Variants in CCDC88C observed in about 807,000 individuals in gnomAD.
The protein encoded by CCDC88C is protein Daple.
A neutral mutation model predicts 198.8 loss-of-function variants in CCDC88C; 131 were observed. The ratio of observed to expected loss-of-function variants is 0.66; its 90% CI spans 0.57 to 0.76. The LOEUF is 0.76. Among genes scored for constraint, CCDC88C ranks in the 30% least tolerant of loss-of-function variants. The probability of loss-of-function intolerance (pLI) is 0.00; values close to 1 mark genes in which losing one functional copy is unlikely to be tolerated. For missense variants in CCDC88C, 2,553 were observed against 2,631.6 expected (o/e 0.97, Z 0.65); for synonymous variants, 1,166 against 1,114.7 (o/e 1.05, Z -0.92).
chr14:91,402,956 C>T (rs1001998973), intron 3 of CCDC88C, among the ~76,000 whole-genome samples: 2 of 152,192 alleles, frequency 1.3e-5, no homozygotes, highest in African/African-American at 2.4e-5. Flanking sequence ...GTCAGAGAGC[C>T]GAGCTCAAGG....
At chr14:91,343,260 A>G (rs1351226114) in intron 5 of CCDC88C, among the ~76,000 whole-genome samples, 5 of 152,154 alleles carry the variant, frequency 3.3e-5, no homozygotes, top group Non-Finnish European at 7.3e-5. Flanking sequence ...ACTCGGCCCA[A>G]TAAAACTTTA....
chr14:91,307,991 T>G (rs372591867), intron 17 of CCDC88C, among the ~76,000 whole-genome samples: 1 of 152,156 alleles, frequency 6.6e-6, no homozygotes, highest in East Asian at 1.9e-4. Flanking sequence ...TCCTCATGAG[T>G]CCCTGTGCAC....
At chr14:91,362,466 T>C (rs1894354724) in intron 3 of CCDC88C, among the ~76,000 whole-genome samples, 1 of 152,194 alleles carries the variant, frequency 6.6e-6, no homozygotes, top group African/African-American at 2.4e-5. Context: ...TGAAGGTCAC[T>C]GCAAAAAATG....
intron 14 of CCDC88C, 38 bp downstream of exon 14, chr14:91,315,612 G>A: frequency 6.2e-7 from 1 of 1,610,410 alleles, no homozygotes; most frequent in East Asian, 2.2e-5. Context: ...CTTGCAGGCA[G>A]GGGTTCTAGG....
chr14:91,365,923 A>G (rs571877534), intron 3 of CCDC88C, among the ~76,000 whole-genome samples: 1 of 152,318 alleles, frequency 6.6e-6, no homozygotes, highest in East Asian at 1.9e-4. Context: ...AAAAAGATAC[A>G]TAATTGTATG....
At chr14:91,401,865 C>T (rs1291028981) in intron 3 of CCDC88C, among the ~76,000 whole-genome samples, 2 of 152,158 alleles carry the variant, frequency 1.3e-5, no homozygotes, top group Non-Finnish European at 2.9e-5. Flanking sequence ...CCTGTCCCTG[C>T]CCATCAAAGC....
intron 3 of CCDC88C, among the ~76,000 whole-genome samples, chr14:91,377,989 C>CT (rs1884551329): frequency 1.3e-5 from 2 of 151,372 alleles, no homozygotes; most frequent in South Asian, 4.2e-4. Context: ...ACTGGGGGTT[C>CT]TTTAAGTAAG....
chr14:91,360,457 TAAG>T (rs535750514), intron 3 of CCDC88C, among the ~76,000 whole-genome samples: 440 of 151,836 alleles, frequency 2.9e-3, no homozygotes, highest in Admixed American at 4.2e-3. Context: ...AAAAAGAAAA[TAAG>T]AAGAAGAAGA....
chr14:91,283,688 G>A lies in CCDC88C; in HGVS notation c.4442-171C>T, dbSNP rs559097659. The A allele has an allele frequency of 1.1e-3, 723 of 635,928 alleles. 11 individuals are homozygous for A. The South Asian group carries it at 0.013, about 12-fold the overall frequency. The allele number at this position is 635,928 out of a possible 1,614,324, so 39.4% of individuals were successfully genotyped here. On this transcript the variant is annotated intron_variant, in intron 25 of 29. Coordinates refer to ENST00000389857, the MANE Select transcript of CCDC88C (RefSeq NM_001080414.4). ...TAAATGGGGCCTGGCGGGGCAGGTG[G>A]GGGCAAGAGGGCTTGGCTTCAGGTG...
chr14:91,354,468 C>T (rs982236953), intron 4 of CCDC88C, among the ~76,000 whole-genome samples: 2 of 152,164 alleles, frequency 1.3e-5, no homozygotes, highest in Non-Finnish European at 1.5e-5. Context: ...CACCAGTAAC[C>T]GCGAAAGATA....
intron 10 of CCDC88C, among the ~76,000 whole-genome samples, chr14:91,333,780 C>T (rs1399716410): frequency 1.3e-5 from 2 of 152,206 alleles, no homozygotes; most frequent in Admixed American, 6.5e-5. Context: ...CAGGAATCTG[C>T]ATTTTAAACA....
intron 13 of CCDC88C, among the ~76,000 whole-genome samples, chr14:91,316,453 G>A (rs1314082067): frequency 1.3e-5 from 2 of 148,598 alleles, no homozygotes; most frequent in South Asian, 2.1e-4. Context: ...ATGGAGTTTT[G>A]CTCTTGTCGC....
At chr14:91,326,301 C>A (rs1238715840) in intron 10 of CCDC88C, among the ~76,000 whole-genome samples, 1 of 152,172 alleles carries the variant, frequency 6.6e-6, no homozygotes, top group African/African-American at 2.4e-5. Context: ...GCAACCTCCA[C>A]CTCCTAGGTT....
chr14:91,326,189 G>T, intron 10 of CCDC88C, 133 bp from the exon 11 acceptor site: 1 of 710,512 alleles, frequency 1.4e-6, no homozygotes. Context: ...GAGGCAGGAA[G>T]TTTTTCCTCT....
chr14:91,325,076 C>A lies in CCDC88C; in HGVS notation c.1198-153G>T, dbSNP rs1178878083. Reference sequence around the variant, plus strand: ...ACAGAGCTGCACAGAAACATCCCAACACAGGGCCCTGCTATGAGAGGGAAA... The same window carrying A: ...ACAGAGCTGCACAGAAACATCCCAAAACAGGGCCCTGCTATGAGAGGGAAA... On this transcript the variant is annotated intron_variant, in intron 11 of 29. Coordinates refer to ENST00000389857, the MANE Select transcript of CCDC88C (RefSeq NM_001080414.4). This position sits in a 1 kb window ranked among gnomAD's most constrained non-coding sequence, Gnocchi z 4.1. 6.6e-6 allele frequency among the ~76,000 whole-genome samples: 1 copy of A among 152,192 alleles called. No individual in the cohort carries two copies. The highest frequency in any genetic ancestry group is 1.5e-5 in the Non-Finnish European group (1 of 68,040).
In CCDC88C at chr14:91,273,599, C is replaced by T. The variant is rs146391250; in HGVS notation, c.5113G>A (p.Asp1705Asn). ...GGTTGGCCTCCGATGGCTGGGGGAT[C>T]GCTGGCCTTTCGGAAGTAGTCACTC... ...LLSDYFRKAS[D>N]PPAIGGQPGP... Residue 1705 changes from aspartate to asparagine, a missense_variant, in exon 30 of 30, where the codon GAT (aspartate) becomes AAT (asparagine). Physicochemically the swap from Asp to Asn is conservative, Grantham distance 23. Coordinates refer to ENST00000389857, the MANE Select transcript of CCDC88C (RefSeq NM_001080414.4). This position sits in a 1 kb window ranked among gnomAD's most constrained non-coding sequence, Gnocchi z 5.6. 1.3e-4 allele frequency: 187 copies of T among 1,491,396 alleles called. No individual in the cohort carries two copies. The highest frequency in any genetic ancestry group is 5.0e-4 in the Admixed American group (21 of 42,086). 92.4% of individuals were successfully genotyped at this position (1,491,396 alleles called of 1,614,324 possible). A position where few individuals can be genotyped will look rare whatever the true frequency, so the allele number is the denominator to read the frequency against.
At chr14:91,281,069 A>G in intron 27 of CCDC88C, 1 of 436,426 alleles carries the variant, frequency 2.3e-6, no homozygotes, top group Non-Finnish European at 4.7e-6. Flanking sequence ...TGCTTCTAAC[A>G]ATTTCCAAGA....
chr14:91,313,938 C>T lies in CCDC88C; in HGVS notation c.1878G>A (p.Lys626=), dbSNP rs78468999. The change falls in exon 15 of 30, where the codon AAG becomes AAA. Residue 626 remains lysine (K), a synonymous_variant. Transcript: ENST00000389857. The surrounding 1 kb of genome is among the most constrained non-coding windows in gnomAD (Gnocchi z 5.2). ...LHRDLEQAKE[K]GERAEKLERE... is the part of the protein sequence containing the mutation. ...TCTCCAGCTTCTCTGCCCGCTCCCC[C>T]TTCTCCTTGGCCTGCTCCAAGTCCC... is the stretch of plus-strand genomic sequence containing the variant. 3.1e-6 allele frequency: 5 copies of T among 1,613,282 alleles called. No homozygotes were observed. Among genetic ancestry groups the T allele is most frequent in the African/African-American group, 1.3e-5 (1 of 74,848 alleles).
chr14:91,378,276 C>T (rs1374975717), intron 3 of CCDC88C, among the ~76,000 whole-genome samples: 1 of 152,124 alleles, frequency 6.6e-6, no homozygotes, highest in Admixed American at 6.5e-5. Context: ...CAGGGGGTGA[C>T]AAGAGAAGCA....
Sources: gnomAD v4.1 joint callset for allele counts (sites outside exome capture counted in the v4.1 genomes callset) on GRCh38, gnomAD v4.1.1 for gene constraint, Gnocchi (gnomAD v3.1) non-coding constraint, MANE v1.5 for transcripts, NCBI Gene and HGNC (gene_info 2026-07-23, HGNC 2026-07-21) for gene names.